MAGI1: variants seen among roughly 807,000 people sequenced by gnomAD.
MAGI1 encodes membrane associated guanylate kinase, WW and PDZ domain containing 1, also known as membrane-associated guanylate kinase, WW and PDZ domain-containing protein 1.
A neutral mutation model predicts 139.9 loss-of-function variants in MAGI1; 58 were observed. The ratio of observed to expected loss-of-function variants is 0.41; its 90% CI spans 0.34 to 0.52. MAGI1 has a LOEUF of 0.52. MAGI1 is among the 20% of genes least tolerant of loss of function. MAGI1 has a pLI of 0.12. For synonymous variants in MAGI1, 812 were observed against 737.9 expected, an observed-to-expected ratio of 1.10 and a Z score of -1.63; for missense variants, 1,874 against 1,901.6, an observed-to-expected ratio of 0.99 and a Z score of 0.27.
chr3:65,756,118 C>A (rs2036543047), intron 1 of MAGI1, among the ~76,000 whole-genome samples: 1 of 152,180 alleles, frequency 6.6e-6, no homozygotes, highest in African/African-American at 2.4e-5. Flanking sequence ...ATAGACTTCT[C>A]TCTTTTCCAA....
At chr3:65,374,598 G>C (rs796680423) in intron 18 of MAGI1, among the ~76,000 whole-genome samples, 1 of 152,142 alleles carries the variant, frequency 6.6e-6, no homozygotes, top group Non-Finnish European at 1.5e-5. Flanking sequence ...GATTACAGGC[G>C]TGAGACACCG....
At chr3:65,682,354 G>T (rs2087649560) in intron 1 of MAGI1, among the ~76,000 whole-genome samples, 2 of 152,166 alleles carry the variant, frequency 1.3e-5, no homozygotes, top group African/African-American at 4.8e-5. Context: ...CTGTGGTACT[G>T]GCAAAGGGAA....
chr3:65,648,476 T>A (rs1247497270), intron 1 of MAGI1, among the ~76,000 whole-genome samples: 1 of 152,122 alleles, frequency 6.6e-6, no homozygotes, highest in African/African-American at 2.4e-5. Flanking sequence ...ATGAACACAA[T>A]GAAATCAAAA....
intron 1 of MAGI1, among the ~76,000 whole-genome samples, chr3:65,783,213 T>C (rs2039079777): frequency 6.6e-6 from 1 of 151,766 alleles, no homozygotes; most frequent in African/African-American, 2.4e-5. Flanking sequence ...AGGACAAATA[T>C]TTTAACAGAT....
intron 1 of MAGI1, chr3:65,687,916 T>C: frequency 1.5e-6 from 1 of 672,976 alleles, no homozygotes; most frequent in Non-Finnish European, 2.9e-6. Flanking sequence ...TTAGCAGCCA[T>C]TCGGCATGCC....
chr3:65,898,523 G>A (rs2061078924), intron 1 of MAGI1, among the ~76,000 whole-genome samples: 1 of 152,122 alleles, frequency 6.6e-6, no homozygotes, highest in Non-Finnish European at 1.5e-5. Context: ...AAAGAACCCT[G>A]AAATTCAAAT....
chr3:65,591,568 T>C (rs1000877190), intron 2 of MAGI1, among the ~76,000 whole-genome samples: 1 of 152,182 alleles, frequency 6.6e-6, no homozygotes, highest in South Asian at 2.1e-4. Flanking sequence ...TTTGTGAATG[T>C]TCATTGGGAG....
At chr3:65,900,876 C>A (rs887728174) in intron 1 of MAGI1, among the ~76,000 whole-genome samples, 1 of 152,138 alleles carries the variant, frequency 6.6e-6, no homozygotes, top group African/African-American at 2.4e-5. Context: ...TCTGGATGAA[C>A]CCTTGAGAGG....
chr3:65,782,929 T>C (rs148626367), intron 1 of MAGI1, among the ~76,000 whole-genome samples: 1 of 143,990 alleles, frequency 6.9e-6, no homozygotes, highest in East Asian at 2.1e-4. Flanking sequence ...AAGAGAAAAA[T>C]CAATTTCATG....
At chr3:65,757,744 T>A (rs1201866227) in intron 1 of MAGI1, among the ~76,000 whole-genome samples, 1 of 152,238 alleles carries the variant, frequency 6.6e-6, no homozygotes, top group Non-Finnish European at 1.5e-5. Context: ...CTTCAACTTT[T>A]AGGTTTGTCA....
intron 1 of MAGI1, among the ~76,000 whole-genome samples, chr3:66,017,907 A>G (rs2067740099): frequency 6.6e-6 from 1 of 152,216 alleles, no homozygotes; most frequent in South Asian, 2.1e-4. Context: ...GAATAGTTAA[A>G]CAATGAGAAT....
rs770893503 is a variant in MAGI1, at chr3:65,363,494, C to T, written c.3466G>A (p.Gly1156Ser). Residue 1156 changes from glycine (G) to serine (S), a missense_variant, in exon 21 of 23, where the codon GGT becomes AGT. By Grantham distance (56) the Gly-to-Ser change is moderately conservative (BLOSUM62 0). Transcript: ENST00000402939. Reference sequence around the variant, plus strand: ...ATCTTTCCACACCTCTCCGCAGGACCGTCCTCTGCTAAGCGCAGAACATAG... The same window carrying T: ...ATCTTTCCACACCTCTCCGCAGGACTGTCCTCTGCTAAGCGCAGAACATAG... ...DLYVLRLAED[G>S]PAERCGKMRI... 48 of 1,613,594 alleles carry T rather than the reference C, an allele frequency of 3.0e-5. No homozygotes were observed. Among genetic ancestry groups the T allele is most frequent in the Non-Finnish European group, 3.6e-5 (43 of 1,179,796 alleles).
intron 14 of MAGI1, among the ~76,000 whole-genome samples, chr3:65,390,311 C>T (rs760262756): frequency 6.6e-6 from 1 of 152,134 alleles, no homozygotes; most frequent in African/African-American, 2.4e-5. Context: ...CTCTCCTACC[C>T]CATACCAAAA....
intron 1 of MAGI1, among the ~76,000 whole-genome samples, chr3:65,904,546 C>T (rs1454425311): frequency 6.6e-6 from 1 of 152,202 alleles, no homozygotes; most frequent in Non-Finnish European, 1.5e-5. Flanking sequence ...CAGACCTACC[C>T]TCATCCAACA....
chr3:65,851,974 T>C (rs2059219591), intron 1 of MAGI1, among the ~76,000 whole-genome samples: 1 of 152,156 alleles, frequency 6.6e-6, no homozygotes, highest in Non-Finnish European at 1.5e-5. Flanking sequence ...GAGAGGAATG[T>C]GGATAAAGGC....
chr3:65,848,503 C>T (rs1372048206), intron 1 of MAGI1, among the ~76,000 whole-genome samples: 1 of 151,948 alleles, frequency 6.6e-6, no homozygotes, highest in Non-Finnish European at 1.5e-5. Flanking sequence ...AATTAAAATA[C>T]ACTGAAAATA....
chr3:65,584,086 G>GAAAAAA (rs542674034), intron 2 of MAGI1, among the ~76,000 whole-genome samples: 1 of 95,858 alleles, frequency 1.0e-5, no homozygotes, highest in African/African-American at 4.3e-5. Flanking sequence ...ATCTACTCTT[G>GAAAAAA]AAAAAAAAAA....
intron 1 of MAGI1, among the ~76,000 whole-genome samples, chr3:65,645,553 C>T (rs1270219618): frequency 6.6e-6 from 1 of 152,068 alleles, no homozygotes; most frequent in Non-Finnish European, 1.5e-5. Context: ...GAGAAGTTCT[C>T]TGAAATGTGG....
intron 1 of MAGI1, among the ~76,000 whole-genome samples, chr3:65,831,237 C>T (rs555924014): frequency 5.4e-4 from 83 of 152,316 alleles, no homozygotes; most frequent in Middle Eastern, 3.4e-3. Context: ...AGTGTCACTT[C>T]CCCAACAAGC....
Sources: allele counts gnomAD v4.1 joint callset (sites outside exome capture counted in the v4.1 genomes callset), GRCh38; gene constraint gnomAD v4.1.1; transcripts MANE v1.5; gene names NCBI Gene and HGNC (gene_info 2026-07-23, HGNC 2026-07-21).